Variants in AATK observed in about 807,000 individuals in gnomAD.
AATK encodes serine/threonine-protein kinase LMTK1.
A neutral mutation model predicts 114.3 loss-of-function variants in AATK; 91 were observed. That is an observed-to-expected ratio of 0.80 (90% CI 0.67 to 0.95). The LOEUF (loss-of-function observed/expected upper bound fraction) is 0.95. AATK is among the 40% of genes least tolerant of loss of function. The pLI, the probability that AATK is intolerant of heterozygous loss-of-function variation, is 0.00. For missense variants in AATK, 2,176 were observed against 1,965.2 expected (o/e 1.11, Z -2.03); for synonymous variants, 1,075 against 916.5 (o/e 1.17, Z -3.12).
chr17:81,145,278 T>C (rs1249866048), intron 1 of AATK, among the ~76,000 whole-genome samples: 2 of 109,622 alleles, frequency 1.8e-5, no homozygotes, highest in Non-Finnish European at 4.0e-5. Flanking sequence ...AAGAAAAAAA[T>C]AGCCTGACTG....
At position 81,141,937 on chromosome 17, in the gene AATK, TTCCTTCCTTCCTTCCTTTCCTTCC is replaced by T. The variant is rs758211016; in HGVS notation, c.56-7460_56-7437del. Among the ~76,000 whole-genome samples the T allele has an allele frequency of 1.3e-4, 7 of 54,326 alleles. No homozygotes were observed. In the East Asian group the frequency reaches 2.0e-3, roughly 15 times the overall value. 35.6% of individuals were successfully genotyped at this position (54,326 alleles called of 152,430 possible). A position where few individuals can be genotyped will look rare whatever the true frequency, so the allele number is the denominator to read the frequency against. On this transcript the variant is annotated intron_variant, in intron 1 of 13. Coordinates refer to ENST00000326724, the MANE Select transcript of AATK (RefSeq NM_001080395.3). ...TCCCTCTCCTTCCTTCCTTCCTTCC[TTCCTTCCTTCCTTCCTTTCCTTCC>T]TTCCTTCCTTCCTTGATAGAGTCTC... is the stretch of plus-strand genomic sequence containing the variant.
intron 1 of AATK, among the ~76,000 whole-genome samples, chr17:81,136,466 C>T (rs919086979): frequency 2.0e-5 from 3 of 152,290 alleles, no homozygotes; most frequent in East Asian, 1.9e-4. Context: ...GGTCCTCCCC[C>T]GAATGGAGGC....
chr17:81,126,312 G>C lies in AATK; in HGVS notation c.755+115C>G. The C allele has an allele frequency of 7.6e-7, 1 of 1,319,420 alleles. No individual in the cohort carries two copies. Among genetic ancestry groups the C allele is most frequent in the Admixed American group, 2.7e-5 (1 of 36,844 alleles). The allele number at this position is 1,319,420 out of a possible 1,614,324, so 81.7% of individuals were successfully genotyped here. On this transcript the variant is annotated intron_variant, in intron 7 of 13. Coordinates refer to ENST00000326724, the MANE Select transcript of AATK (RefSeq NM_001080395.3). The surrounding 1 kb of genome is among the most constrained non-coding windows in gnomAD (Gnocchi z 5.1). The stretch of plus-strand genomic sequence containing the variant: ...ATAGTGGTTGTCTGATGCTGCATGA[G>C]ATGAACCTGGCCGGTCCTCGCAAGC...
At chr17:81,144,708 C>T (rs1419534430) in intron 1 of AATK, among the ~76,000 whole-genome samples, 6 of 152,242 alleles carry the variant, frequency 3.9e-5, no homozygotes, top group Non-Finnish European at 5.9e-5. Flanking sequence ...GAGCCCAGCT[C>T]GCTCCTGTGA....
At chr17:81,149,659 T>C (rs1369783247) in intron 1 of AATK, among the ~76,000 whole-genome samples, 1 of 152,038 alleles carries the variant, frequency 6.6e-6, no homozygotes, top group Non-Finnish European at 1.5e-5. Context: ...TTGGCTCCCA[T>C]GGCCGTGGGC....
Position 81,145,625 on chromosome 17 carries a change from C to G in AATK, c.56-11124G>C, listed in dbSNP as rs148790631. On this transcript the variant is annotated intron_variant, in intron 1 of 13. Transcript: ENST00000326724. ...GCATGCTTCTGTAATCCTAGCTACT[C>G]GGGAGGCTGAGACAGGAGAATTGCT... Among the ~76,000 whole-genome samples, 411 of 149,848 alleles carry G rather than the reference C, an allele frequency of 2.7e-3. 1 individual carries two copies. Among genetic ancestry groups the G allele is most frequent in the Admixed American group, 4.5e-3 (67 of 14,832 alleles).
chr17:81,121,970 GC>G lies in AATK; in HGVS notation c.1965del (p.Leu656CysfsTer3). ...TSPLGSSGAP[P>X]LPLTGEDELE... ...AGCTCATCCTCGCCAGTCAGCGGCAGCGGGGGCGCCCCTGAGCTCCCCAAAG... is the reference window on the plus strand; with the variant it reads ...AGCTCATCCTCGCCAGTCAGCGGCAGGGGGGCGCCCCTGAGCTCCCCAAAG... On this transcript the variant is annotated frameshift_variant, in exon 11 of 14. Transcript: ENST00000326724. LOFTEE classifies it high-confidence loss of function. 6.2e-7 allele frequency: 1 copy of G among 1,600,184 alleles called. No individual in the cohort carries two copies.
chr17:81,145,730 T>A lies in AATK; in HGVS notation c.56-11229A>T, dbSNP rs1207646408. ...CCTTGGCAACGAGAGCAAAACTCCATCTCAAAAAAAAAAAAAAAAAAAAAG... is the reference window on the plus strand; with the variant it reads ...CCTTGGCAACGAGAGCAAAACTCCAACTCAAAAAAAAAAAAAAAAAAAAAG... On this transcript the variant is annotated intron_variant, in intron 1 of 13. Coordinates refer to ENST00000326724, the MANE Select transcript of AATK (RefSeq NM_001080395.3). Among the ~76,000 whole-genome samples, 13 of 37,804 alleles carry A rather than the reference T, an allele frequency of 3.4e-4. No homozygotes were observed. In the South Asian group the frequency reaches 3.7e-3, roughly 11 times the overall value. 24.8% of individuals were successfully genotyped at this position (37,804 alleles called of 152,430 possible). A position where few individuals can be genotyped will look rare whatever the true frequency, so the allele number is the denominator to read the frequency against.
At chr17:81,143,798 C>T (rs992764092) in intron 1 of AATK, among the ~76,000 whole-genome samples, 2 of 152,248 alleles carry the variant, frequency 1.3e-5, no homozygotes, top group African/African-American at 4.8e-5. Flanking sequence ...TCTTCTGGAA[C>T]CTTGGGCCCT....
Position 81,121,834 on chromosome 17 carries a change from G to C in AATK, c.2102C>G (p.Ala701Gly). The C allele has an allele frequency of 6.3e-7, 1 of 1,592,252 alleles. No individual in the cohort carries two copies. The highest frequency in any genetic ancestry group is 2.3e-5 in the East Asian group (1 of 44,354). Reference sequence around the variant, plus strand: ...GGGGCAGCCCTCAGCGTGGCCGCCCGCAGAGACGGGGTCCCAGGACTCTGG... The same window carrying C: ...GGGGCAGCCCTCAGCGTGGCCGCCCCCAGAGACGGGGTCCCAGGACTCTGG... Reference protein sequence around the residue: ...RCPESWDPVSAGGHAEGCPSP... With the variant: ...RCPESWDPVSGGGHAEGCPSP... The change falls in exon 11 of 14, where the codon GCG becomes GGG. Residue 701 changes from alanine to glycine, a missense_variant. Physicochemically the swap from Ala to Gly is moderately conservative, Grantham distance 60. This residue lies in a region of AATK where 1,701 missense variants were observed against 1,394.7 expected (regional missense o/e 1.22). Transcript: ENST00000326724.
In AATK at chr17:81,121,023, C is replaced by G. The variant is rs781286454; in HGVS notation, c.2913G>C (p.Glu971Asp). ...AGAGCCGTGTCTCGGGCCCGGGGCC[C>G]TCACCCTCTGAGGCCAGCTCCGCAA... ...QAFAELASEG[E>D]GPGPETRLST... is the part of the protein sequence containing the mutation. Residue 971 changes from glutamate to aspartate, a missense_variant, in exon 11 of 14, where the codon GAG becomes GAC. By Grantham distance (45) the Glu-to-Asp change is conservative. Around this residue, in one of 4 missense-constraint regions of AATK, gnomAD observed 1,701 missense variants for 1,394.7 expected, o/e 1.22. Transcript: ENST00000326724. 6.2e-7 allele frequency: 1 copy of G among 1,609,922 alleles called. No homozygotes were observed. The highest frequency in any genetic ancestry group is 1.3e-5 in the African/African-American group (1 of 74,882).
chr17:81,119,447 C>T lies in AATK; in HGVS notation c.4017G>A (p.Val1339=), dbSNP rs1305828894. The T allele has an allele frequency of 1.3e-6, 2 of 1,516,454 alleles. No individual in the cohort carries two copies. The highest frequency in any genetic ancestry group is 2.2e-5 in the Admixed American group (1 of 45,854). The allele number at this position is 1,516,454 out of a possible 1,614,324, so 93.9% of individuals were successfully genotyped here. The change falls in exon 13 of 14, where the codon GTG becomes GTA. Residue 1339 remains valine (V), a synonymous_variant. Transcript: ENST00000326724. ...AGAAGCGGGACGTGGGCGCGGGCGA[C>T]ACCGTGAAGCGCGAGAAGGGAGCGG... The part of the protein sequence containing the change: ...PTPAPFSRFT[V]SPAPTSRFSI...
intron 2 of AATK, chr17:81,133,164 C>G (rs1201932595): frequency 6.4e-6 from 3 of 468,256 alleles, no homozygotes; most frequent in Non-Finnish European, 8.8e-6. Flanking sequence ...AGCTTTGCCC[C>G]CCAGGCACGC....
chr17:81,155,390 A>AT (rs138907530), intron 1 of AATK, among the ~76,000 whole-genome samples: 46,596 of 103,588 alleles, frequency 0.45, 7,930 homozygotes, highest in East Asian at 0.55. Context: ...TATTATTATT[A>AT]TTATTATTAT....
intron 4 of AATK, among the ~76,000 whole-genome samples, 179 bp downstream of exon 4, chr17:81,128,291 C>T (rs1003280837): frequency 1.4e-4 from 21 of 152,020 alleles, no homozygotes; most frequent in Non-Finnish European, 3.1e-4. Context: ...CCAGGACCCC[C>T]TAGGGAGAAG....
In AATK at chr17:81,121,399, C is replaced by T; in HGVS notation, c.2537G>A (p.Gly846Asp). 2 of 1,609,244 alleles carry T rather than the reference C, an allele frequency of 1.2e-6. No homozygotes were observed. Among genetic ancestry groups the T allele is most frequent in the Non-Finnish European group, 1.7e-6 (2 of 1,178,442 alleles). Residue 846 changes from glycine (G) to aspartate (D), a missense_variant, in exon 11 of 14, where the codon GGC (glycine) becomes GAC (aspartate). Gly to Asp is a moderately conservative substitution (Grantham distance 94). This residue lies in a region of AATK where 1,701 missense variants were observed against 1,394.7 expected (regional missense o/e 1.22). Transcript: ENST00000326724. ...SAIKLASALN[G>D]SSSSPEVEAP... ...CTCCACCTCGGGAGAGCTGCTGCTG[C>T]CATTCAGGGCAGAAGCCAGCTTGAT... is the stretch of plus-strand genomic sequence containing the variant.
At chr17:81,165,040 G>A (rs1375325675) in intron 1 of AATK, among the ~76,000 whole-genome samples, 1 of 152,252 alleles carries the variant, frequency 6.6e-6, no homozygotes, top group Non-Finnish European at 1.5e-5. Flanking sequence ...GCTTTGTTTG[G>A]GCTGGCTCAG....
chr17:81,165,312 C>G (rs990949159), intron 1 of AATK, among the ~76,000 whole-genome samples: 8 of 152,180 alleles, frequency 5.3e-5, no homozygotes, highest in Non-Finnish European at 1.0e-4. Context: ...ACTGGCCATA[C>G]GGGGTAAGAG....
intron 1 of AATK, among the ~76,000 whole-genome samples, chr17:81,142,033 G>A (rs552854307): frequency 6.6e-6 from 1 of 150,694 alleles, no homozygotes; most frequent in South Asian, 2.1e-4. Context: ...TCAGCTCACT[G>A]CAACCTCCAC....
Sources: gnomAD v4.1 joint callset for allele counts (sites outside exome capture counted in the v4.1 genomes callset) on GRCh38, gnomAD v4.1.1 for gene constraint, gnomAD v4.1.1 regional missense constraint, Gnocchi (gnomAD v3.1) non-coding constraint, MANE v1.5 for transcripts, NCBI Gene and HGNC (gene_info 2026-07-23, HGNC 2026-07-21) for gene names.